Variants in TPP2 observed in about 807,000 individuals in gnomAD.
The protein encoded by TPP2 is tripeptidyl peptidase 2, also known as tripeptidyl-peptidase 2.
TPP2 carries 34 observed loss-of-function variants against 155.9 expected under a neutral mutation model. The observed-to-expected ratio is 0.22, with a 90% CI of 0.17 to 0.29. The LOEUF (loss-of-function observed/expected upper bound fraction) is 0.29. Among genes scored for constraint, TPP2 ranks in the 10% least tolerant of loss-of-function variants. The pLI, the probability that TPP2 is intolerant of heterozygous loss-of-function variation, is 1.00. For missense variants in TPP2, 1,028 were observed against 1,522.3 expected (o/e 0.68, Z 5.40); for synonymous variants, 510 against 529.4 (o/e 0.96, Z 0.50).
intron 2 of TPP2, among the ~76,000 whole-genome samples, chr13:102,609,482 C>A (rs1034948674): frequency 2.1e-5 from 3 of 142,400 alleles, no homozygotes; most frequent in African/African-American, 7.9e-5. Context: ...ACTGCAACAT[C>A]TGCCACCCGG....
intron 13 of TPP2, 128 bp from the exon 14 acceptor site, chr13:102,636,954 C>A: frequency 2.4e-6 from 2 of 822,548 alleles, no homozygotes; most frequent in African/African-American, 1.7e-5. Context: ...TTTATTTAAG[C>A]TGTGTTTTGG....
rs539032565 is a variant in TPP2, at chr13:102,664,732, T to A, written c.3241-63T>A. On this transcript the variant is annotated intron_variant, in intron 26 of 29. Coordinates refer to ENST00000376052, the MANE Select transcript of TPP2 (RefSeq NM_001330588.2). ...GGTCTCATGGTTGAGACAGCAGAAGTGAAATTGCTTTCGTATACTGATTGA... is the reference window on the plus strand; with the variant it reads ...GGTCTCATGGTTGAGACAGCAGAAGAGAAATTGCTTTCGTATACTGATTGA... 234 of 1,520,968 alleles carry A rather than the reference T, an allele frequency of 1.5e-4. 2 individuals carry two copies. In the South Asian group the frequency reaches 2.1e-3, roughly 14 times the overall value. The allele number at this position is 1,520,968 out of a possible 1,614,324, so 94.2% of individuals were successfully genotyped here.
chr13:102,645,345 C>T (rs1189392665), intron 19 of TPP2, among the ~76,000 whole-genome samples: 1 of 152,196 alleles, frequency 6.6e-6, no homozygotes, highest in East Asian at 1.9e-4. Flanking sequence ...TTTTTAGAAA[C>T]TGCAATACCA....
intron 24 of TPP2, chr13:102,654,794 C>A: frequency 3.0e-6 from 1 of 331,706 alleles, no homozygotes. Context: ...GATGTGTTGT[C>A]TTTGCTGTAC....
chr13:102,638,239 G>A lies in TPP2; in HGVS notation c.1837G>A (p.Val613Ile). The change falls in exon 15 of 30, where the codon GTA becomes ATA. Residue 613 changes from valine (V) to isoleucine (I), a missense_variant and splice_region_variant. Physicochemically the swap from Val to Ile is conservative, Grantham distance 29. Around this residue, in one of 7 missense-constraint regions of TPP2, gnomAD observed 325 missense variants for 463.7 expected, o/e 0.70. Coordinates refer to ENST00000376052, the MANE Select transcript of TPP2 (RefSeq NM_001330588.2). ...GACACTTACCGATTCTTTTTTCAAG[G>A]TATGTGGCTATGATATAGCATCCCC... ...GLREGLHYTEVCGYDIASPNA... is the reference protein window; with the variant it reads ...GLREGLHYTEICGYDIASPNA... 1 of 1,611,608 alleles carries A rather than the reference G, an allele frequency of 6.2e-7. No homozygotes were observed. The highest frequency in any genetic ancestry group is 1.1e-5 in the South Asian group (1 of 91,034).
chr13:102,635,798 G>A, intron 12 of TPP2, 96 bp downstream of exon 12: 1 of 928,792 alleles, frequency 1.1e-6, no homozygotes, highest in South Asian at 1.6e-5. Context: ...CAGTGATTCA[G>A]TATATCTGAA....
chr13:102,657,144 A>G lies in TPP2; in HGVS notation c.3080A>G (p.Glu1027Gly). Residue 1027 changes from glutamate to glycine, a missense_variant, in exon 25 of 30, where the codon GAG (glutamate) becomes GGG (glycine). Glu to Gly is a moderately conservative substitution (Grantham distance 98). Around this residue, in one of 7 missense-constraint regions of TPP2, gnomAD observed 179 missense variants for 274.7 expected, o/e 0.65. Coordinates refer to ENST00000376052, the MANE Select transcript of TPP2 (RefSeq NM_001330588.2). ...GATAAGGAAAAAGATTCAGAAAAAGAGAAAGATTTAAAAGAAGAGTTTACT... is the reference window on the plus strand; with the variant it reads ...GATAAGGAAAAAGATTCAGAAAAAGGGAAAGATTTAAAAGAAGAGTTTACT... ...SKDKEKDSEK[E>G]KDLKEEFTEA... is the part of the protein sequence containing the mutation. 3.7e-6 allele frequency: 6 copies of G among 1,601,382 alleles called. No homozygotes were observed. The highest frequency in any genetic ancestry group is 5.1e-6 in the Non-Finnish European group (6 of 1,176,774).
At chr13:102,648,507 T>A (rs958528711) in intron 21 of TPP2, among the ~76,000 whole-genome samples, 5 of 151,896 alleles carry the variant, frequency 3.3e-5, no homozygotes, top group African/African-American at 1.2e-4. Context: ...ATTTTGCTCA[T>A]TTTTTTGGTA....
intron 1 of TPP2, among the ~76,000 whole-genome samples, chr13:102,598,023 T>G (rs769991012): frequency 1.9e-4 from 29 of 152,188 alleles, no homozygotes; most frequent in Admixed American, 3.9e-4. Context: ...TTTTAAAAAT[T>G]ACTTAGTTTT....
intron 27 of TPP2, among the ~76,000 whole-genome samples, chr13:102,666,112 T>C (rs1232710178): frequency 6.6e-6 from 1 of 152,204 alleles, no homozygotes; most frequent in Non-Finnish European, 1.5e-5. Flanking sequence ...TTTAAATACA[T>C]TGTTTTATTT....
At chr13:102,606,488 T>C (rs1470239126) in intron 2 of TPP2, among the ~76,000 whole-genome samples, 1 of 152,160 alleles carries the variant, frequency 6.6e-6, no homozygotes, top group African/African-American at 2.4e-5. Context: ...TTTACATGAT[T>C]GTTGGAAAAA....
chr13:102,666,605 T>G (rs1026715660), intron 27 of TPP2, among the ~76,000 whole-genome samples: 1 of 152,148 alleles, frequency 6.6e-6, no homozygotes, highest in African/African-American at 2.4e-5. Context: ...TTTGTGAAAA[T>G]AATATGATTT....
intron 2 of TPP2, among the ~76,000 whole-genome samples, chr13:102,605,380 C>T (rs1879742444): frequency 6.6e-6 from 1 of 152,198 alleles, no homozygotes; most frequent in African/African-American, 2.4e-5. Flanking sequence ...GACCACCTAT[C>T]ACTTGACTAT....
intron 1 of TPP2, among the ~76,000 whole-genome samples, chr13:102,597,423 G>A (rs1411755682): frequency 2.0e-5 from 3 of 152,176 alleles, no homozygotes; most frequent in African/African-American, 7.2e-5. Context: ...CGCTGGGCGG[G>A]CGAGGGCCCG....
chr13:102,656,952 A>G, intron 24 of TPP2, 104 bp from the exon 25 acceptor site: 1 of 1,255,368 alleles, frequency 8.0e-7, no homozygotes. Flanking sequence ...AGTGTAGTAC[A>G]ACTTAGGTGC....
chr13:102,647,102 TAATGTTTTTTA>T, intron 20 of TPP2, 94 bp from the exon 21 acceptor site: 1 of 1,337,482 alleles, frequency 7.5e-7, no homozygotes, highest in Non-Finnish European at 9.8e-7. Context: ...CAAGTATTTT[TAATGTTTTTTA>T]AATGAAAAAG....
intron 11 of TPP2, among the ~76,000 whole-genome samples, chr13:102,634,561 G>A (rs1055593824): frequency 2.0e-5 from 3 of 152,158 alleles, no homozygotes; most frequent in African/African-American, 7.2e-5. Flanking sequence ...CAGATTTAGG[G>A]TAGCCAGGCT....
intron 1 of TPP2, among the ~76,000 whole-genome samples, chr13:102,603,946 A>G (rs4772494): frequency 0.65 from 98,319 of 151,940 alleles, 33,147 homozygotes; most frequent in African/African-American, 0.85. Flanking sequence ...GTGAAAATGC[A>G]ATGGATTTGA....
chr13:102,673,149 T>C (rs1476507940), intron 27 of TPP2, among the ~76,000 whole-genome samples: 1 of 152,192 alleles, frequency 6.6e-6, no homozygotes, highest in Non-Finnish European at 1.5e-5. Flanking sequence ...TTAGCGTTCA[T>C]GTTCCCTGCC....
Sources: gnomAD v4.1 joint callset for allele counts (sites outside exome capture counted in the v4.1 genomes callset) on GRCh38, gnomAD v4.1.1 for gene constraint, gnomAD v4.1.1 regional missense constraint, MANE v1.5 for transcripts, NCBI Gene and HGNC (gene_info 2026-07-23, HGNC 2026-07-21) for gene names.